RIMS2: variants seen among roughly 807,000 people sequenced by gnomAD.
The protein encoded by RIMS2 is regulating synaptic membrane exocytosis 2, also known as regulating synaptic membrane exocytosis protein 2.
RIMS2 carries 59 observed loss-of-function variants against 174.4 expected under a neutral mutation model. The ratio of observed to expected loss-of-function variants is 0.34; its 90% confidence interval spans 0.27 to 0.42. The LOEUF is 0.42. RIMS2 is among the 10% of genes least tolerant of loss of function. The pLI is 1.00. For synonymous variants in RIMS2, 606 were observed against 572.5 expected (o/e 1.06, Z -0.84); for missense variants, 1,620 against 1,666.3 (o/e 0.97, Z 0.48).
chr8:104,065,546 T>A (rs1452497276), intron 19 of RIMS2, among the ~76,000 whole-genome samples: 1 of 152,124 alleles, frequency 6.6e-6, no homozygotes, highest in African/African-American at 2.4e-5. Flanking sequence ...TTATTCTACA[T>A]GGAGTGTTTT....
At chr8:103,777,058 G>T (rs190342000) in intron 3 of RIMS2, among the ~76,000 whole-genome samples, 1 of 152,162 alleles carries the variant, frequency 6.6e-6, no homozygotes, top group East Asian at 1.9e-4. Context: ...AGCAAGGGAA[G>T]AATTGAACAC....
At chr8:103,912,977 T>TTTG (rs1203265580) in intron 6 of RIMS2, among the ~76,000 whole-genome samples, 5 of 145,076 alleles carry the variant, frequency 3.4e-5, no homozygotes, top group Non-Finnish European at 6.1e-5. Context: ...GTTGTTTTTT[T>TTTG]TTTTTTTTTT....
chr8:104,193,022 G>T (rs1235015554), intron 19 of RIMS2, among the ~76,000 whole-genome samples: 1 of 151,922 alleles, frequency 6.6e-6, no homozygotes, highest in Non-Finnish European at 1.5e-5. Flanking sequence ...GGTATACACT[G>T]AGAGAAAGAG....
Position 103,786,324 on chromosome 8 carries a change from A to G in RIMS2, c.698+19787A>G, listed in dbSNP as rs199829597. On this transcript the variant is annotated intron_variant, in intron 3 of 23. Transcript: ENST00000504942. ...TTGCCTTCTGCTAGCTTTTGAATGTATTTGCTCTTGCTTTTCTAGTTCTTT... is the reference window on the plus strand; with the variant it reads ...TTGCCTTCTGCTAGCTTTTGAATGTGTTTGCTCTTGCTTTTCTAGTTCTTT... Among the ~76,000 whole-genome samples the G allele has an allele frequency of 4.0e-5, 6 of 151,700 alleles. No homozygotes were observed. In the East Asian group the frequency reaches 9.7e-4, roughly 24 times the overall value.
intron 1 of RIMS2, among the ~76,000 whole-genome samples, chr8:103,597,594 G>A (rs1433848908): frequency 1.3e-5 from 2 of 151,924 alleles, no homozygotes; most frequent in Non-Finnish European, 1.5e-5. Context: ...CTTTCCTTCT[G>A]TCCCTAATAA....
chr8:104,093,619 G>T (rs756168142), intron 19 of RIMS2: 2 of 1,595,088 alleles, frequency 1.3e-6, no homozygotes, highest in Non-Finnish European at 1.7e-6. Flanking sequence ...CAATCAGAAC[G>T]CCCAGGAGGA....
At chr8:104,040,646 A>G (rs1242961844) in intron 19 of RIMS2, among the ~76,000 whole-genome samples, 2 of 151,786 alleles carry the variant, frequency 1.3e-5, no homozygotes, top group African/African-American at 2.4e-5. Flanking sequence ...AAATTTGTCT[A>G]CATTGAAGTT....
chr8:104,120,431 G>A (rs4487720), intron 19 of RIMS2, among the ~76,000 whole-genome samples: 31,646 of 151,868 alleles, frequency 0.21, 3,795 homozygotes, highest in East Asian at 0.58. Context: ...TTCTTTCACC[G>A]TTGAATAGTT....
At chr8:104,253,911 C>G (rs1016253979), downstream of RIMS2, 1 of 151,954 alleles carries the variant, frequency 6.6e-6, no homozygotes, top group Non-Finnish European at 1.5e-5. Context: ...TGAAATACAC[C>G]AAGACTGTGT....
At chr8:103,770,722 A>G (rs1592031699) in intron 3 of RIMS2, among the ~76,000 whole-genome samples, 1 of 144,136 alleles carries the variant, frequency 6.9e-6, no homozygotes, top group East Asian at 1.9e-4. Flanking sequence ...TTTTAATTAA[A>G]CCTATTTTTT....
intron 1 of RIMS2, among the ~76,000 whole-genome samples, chr8:103,620,571 A>G (rs1281188342): frequency 1.3e-5 from 2 of 152,186 alleles, no homozygotes; most frequent in African/African-American, 4.8e-5. Context: ...CTGGAATTCC[A>G]AAACATTAAT....
At chr8:103,751,984 G>T (rs1235096486) in intron 2 of RIMS2, among the ~76,000 whole-genome samples, 1 of 152,128 alleles carries the variant, frequency 6.6e-6, no homozygotes, top group African/African-American at 2.4e-5. Flanking sequence ...TTTGGCTTTT[G>T]TTGCCATTGC....
At chr8:103,648,359 A>G (rs182884348) in intron 1 of RIMS2, among the ~76,000 whole-genome samples, 1 of 152,152 alleles carries the variant, frequency 6.6e-6, no homozygotes, top group Non-Finnish European at 1.5e-5. Flanking sequence ...ATTTTAGTCA[A>G]TAAAATTTTA....
At chr8:103,730,559 A>G (rs574165948) in intron 2 of RIMS2, among the ~76,000 whole-genome samples, 2 of 152,004 alleles carry the variant, frequency 1.3e-5, no homozygotes, top group Non-Finnish European at 2.9e-5. Context: ...AATTTTTTGT[A>G]GCTATTATTT....
chr8:103,922,711 T>G, intron 10 of RIMS2: 1 of 346,040 alleles, frequency 2.9e-6, no homozygotes, highest in South Asian at 2.1e-5. Context: ...TTTGTTAAAT[T>G]AGCTATGAAA....
intron 1 of RIMS2, among the ~76,000 whole-genome samples, chr8:103,646,553 T>C (rs1895892): frequency 0.38 from 57,236 of 151,904 alleles, 11,137 homozygotes; most frequent in African/African-American, 0.4. Flanking sequence ...CCGCACCCAG[T>C]TCCGACAGGC....
In RIMS2 at chr8:104,148,537, A is replaced by G. The variant is rs752366082; in HGVS notation, c.3335-96379A>G. 60 of 1,353,732 alleles carry G rather than the reference A, an allele frequency of 4.4e-5. No individual in the cohort carries two copies. The Middle Eastern group carries it at 9.1e-4, about 21-fold the overall frequency. 83.9% of individuals were successfully genotyped at this position (1,353,732 alleles called of 1,614,324 possible). On this transcript the variant is annotated intron_variant, in intron 19 of 23. Transcript: ENST00000504942. ...AATTTAATTATACTCCAAATGTTTT[A>G]TCTAAAATGCATTTTCTGTCTTTTC...
At chr8:104,242,546 T>C (rs1321498790) in intron 19 of RIMS2, among the ~76,000 whole-genome samples, 2 of 152,234 alleles carry the variant, frequency 1.3e-5, no homozygotes, top group African/African-American at 4.8e-5. Context: ...TCCAGAATAA[T>C]TCCCTTACCT....
intron 8 of RIMS2, 29 bp from the exon 12 acceptor site, chr8:103,918,410 CTG>C (rs2077001035): frequency 7.1e-7 from 1 of 1,402,972 alleles, no homozygotes; most frequent in South Asian, 1.4e-5. Flanking sequence ...GAAACAGTTT[CTG>C]TCTTTCTTTT....
Sources: gnomAD v4.1 joint callset for allele counts (sites outside exome capture counted in the v4.1 genomes callset) on GRCh38, gnomAD v4.1.1 for gene constraint, MANE v1.5 for transcripts, NCBI Gene and HGNC (gene_info 2026-07-23, HGNC 2026-07-21) for gene names.